The following CNTN6 variants were observed in gnomAD, a reference collection of about 807,000 sequenced individuals.
CNTN6 encodes contactin-6.
CNTN6 carries 137 observed loss-of-function variants against 122.8 expected under a neutral mutation model. That is an observed-to-expected ratio of 1.12 (90% CI 0.97 to 1.29). CNTN6 has a LOEUF of 1.29. Among genes scored for constraint, CNTN6 ranks in the 50% most tolerant of loss-of-function variants. The pLI, the probability that CNTN6 is intolerant of heterozygous loss-of-function variation, is 0.00. For missense variants in CNTN6, 1,634 were observed against 1,223.4 expected, an observed-to-expected ratio of 1.34 and a Z score of -5.01; for synonymous variants, 570 against 426.0, an observed-to-expected ratio of 1.34 and a Z score of -4.16.
chr3:1,393,650 T>TAAAAA (rs577181483), intron 20 of CNTN6, among the ~76,000 whole-genome samples: 7 of 142,800 alleles, frequency 4.9e-5, no homozygotes, highest in Non-Finnish European at 9.3e-5. Flanking sequence ...AAACAAACAT[T>TAAAAA]AAAAAAAAAA....
rs535460494 is a variant in CNTN6 at position 1,332,143 on chromosome 3, G to C, written c.1364+2208G>C. Among the ~76,000 whole-genome samples the C allele has an allele frequency of 9.9e-5, 15 of 151,984 alleles. No homozygotes were observed. The Middle Eastern group carries it at 0.01, about 103-fold the overall frequency. ...CAAACAAGCAAATTATCTCCTTACT[G>C]TGCATTCTTAAAAGTTGAAAATAAT... On this transcript the variant is annotated intron_variant, in intron 11 of 22. Coordinates refer to ENST00000446702, the MANE Select transcript of CNTN6 (RefSeq NM_001289080.2).
intron 20 of CNTN6, among the ~76,000 whole-genome samples, chr3:1,388,844 A>G (rs1342411544): frequency 4.1e-5 from 6 of 145,546 alleles, no homozygotes; most frequent in South Asian, 2.2e-4. Context: ...GAAATGAAGC[A>G]AGAAGGGAAG....
chr3:1,136,151 G>C (rs1320612140), intron 1 of CNTN6, among the ~76,000 whole-genome samples: 2 of 152,144 alleles, frequency 1.3e-5, no homozygotes, highest in South Asian at 2.1e-4. Flanking sequence ...AATTTAGAGA[G>C]CTCTATTACA....
intron 7 of CNTN6, among the ~76,000 whole-genome samples, chr3:1,316,289 AG>A (rs991947057): frequency 5.9e-5 from 9 of 151,960 alleles, no homozygotes; most frequent in Non-Finnish European, 1.3e-4. Context: ...ACAGTTCTGC[AG>A]GCTGTACAGG....
chr3:1,281,602 C>CATTTG (rs1248103851), intron 5 of CNTN6, among the ~76,000 whole-genome samples: 2 of 151,918 alleles, frequency 1.3e-5, no homozygotes, highest in Non-Finnish European at 2.9e-5. Context: ...GTAGCTGGAA[C>CATTTG]CACAGGCACG....
In CNTN6 at chr3:1,156,691, C is replaced by T. The variant is rs74467027; in HGVS notation, c.55+8628C>T. Among the ~76,000 whole-genome samples the T allele has an allele frequency of 3.4e-3, 193 of 56,618 alleles. 1 individual carries two copies. The highest frequency in any genetic ancestry group is 0.014 in the African/African-American group (141 of 9,936). The allele number at this position is 56,618 out of a possible 152,430, so 37.1% of individuals were successfully genotyped here. On this transcript the variant is annotated intron_variant, in intron 2 of 22. Transcript: ENST00000446702. ...CCTTCCTTCCTTCCTTTCCCTCCCT[C>T]CCTTCCTTCCTTCCTTCCTTCTTCT...
chr3:1,356,503 A>G (rs1706582631), intron 12 of CNTN6, among the ~76,000 whole-genome samples: 1 of 151,842 alleles, frequency 6.6e-6, no homozygotes, highest in Admixed American at 6.6e-5. Context: ...CAAGATATGT[A>G]GATAATTGGA....
intron 2 of CNTN6, among the ~76,000 whole-genome samples, chr3:1,203,887 G>A (rs1296293328): frequency 1.3e-5 from 2 of 152,076 alleles, no homozygotes; most frequent in Non-Finnish European, 1.5e-5. Context: ...GATATGTTTC[G>A]ATACACAAAT....
chr3:1,236,125 C>G (rs1220866469), intron 4 of CNTN6, among the ~76,000 whole-genome samples: 2 of 151,874 alleles, frequency 1.3e-5, no homozygotes, highest in African/African-American at 4.9e-5. Flanking sequence ...TGGTCTTTCT[C>G]TATGTGTCCT....
intron 7 of CNTN6, among the ~76,000 whole-genome samples, chr3:1,313,154 G>A (rs1699630957): frequency 6.6e-6 from 1 of 151,916 alleles, no homozygotes; most frequent in Non-Finnish European, 1.5e-5. Context: ...TCTCCTAAGA[G>A]CAGCAGAGGT....
intron 5 of CNTN6, among the ~76,000 whole-genome samples, chr3:1,287,505 C>T (rs1694550434): frequency 6.6e-6 from 1 of 152,130 alleles, no homozygotes; most frequent in African/African-American, 2.4e-5. Flanking sequence ...ATATTTGTAT[C>T]CTATGACTTG....
intron 1 of CNTN6, among the ~76,000 whole-genome samples, chr3:1,111,044 T>C (rs544467864): frequency 1.2e-4 from 19 of 152,294 alleles, no homozygotes; most frequent in African/African-American, 4.3e-4. Flanking sequence ...GAAATAATAG[T>C]TGTCCCACCT....
At chr3:1,387,594 C>G (rs1203457556) in intron 20 of CNTN6, among the ~76,000 whole-genome samples, 1 of 152,152 alleles carries the variant, frequency 6.6e-6, no homozygotes, top group African/African-American at 2.4e-5. Context: ...ATAGGAACAG[C>G]TCCGGTCTAC....
chr3:1,215,227 G>C (rs989185504), intron 2 of CNTN6, among the ~76,000 whole-genome samples: 1 of 152,144 alleles, frequency 6.6e-6, no homozygotes, highest in Non-Finnish European at 1.5e-5. Context: ...TTTTCTTAAT[G>C]GTATTTACTG....
rs184219098 is a variant in CNTN6, at chr3:1,401,561, T to C, written c.2817+16T>C. ...GGGGTACAAGGTGAGTTTTTAGTTT[T>C]TCCTTTAATCATATCAATTAAGTTA... On this transcript the variant is annotated intron_variant, in intron 21 of 22. Coordinates refer to ENST00000446702, the MANE Select transcript of CNTN6 (RefSeq NM_001289080.2). 3 of 1,560,480 alleles carry C rather than the reference T, an allele frequency of 1.9e-6. No individual in the cohort carries two copies. The East Asian group carries it at 6.8e-5, about 36-fold the overall frequency.
At chr3:1,312,373 C>T (rs896088661) in intron 7 of CNTN6, among the ~76,000 whole-genome samples, 9 of 151,918 alleles carry the variant, frequency 5.9e-5, no homozygotes, top group African/African-American at 2.2e-4. Context: ...TCCTTTCCAT[C>T]CCAGTCTATC....
At chr3:1,151,835 T>C (rs1249177673) in intron 2 of CNTN6, among the ~76,000 whole-genome samples, 1 of 152,134 alleles carries the variant, frequency 6.6e-6, no homozygotes, top group Non-Finnish European at 1.5e-5. Context: ...GGATAAATGC[T>C]TATTCACTAA....
intron 7 of CNTN6, among the ~76,000 whole-genome samples, chr3:1,307,777 CT>C (rs2125914305): frequency 6.6e-6 from 1 of 152,156 alleles, no homozygotes; most frequent in South Asian, 2.1e-4. Flanking sequence ...TAGAATGTGT[CT>C]GTATTTGTCA....
chr3:1,210,386 A>G (rs890504347), intron 2 of CNTN6, among the ~76,000 whole-genome samples: 1 of 151,812 alleles, frequency 6.6e-6, no homozygotes, highest in African/African-American at 2.4e-5. Flanking sequence ...GAAAGAAGGG[A>G]AGTGAAGGGA....
Sources: gnomAD v4.1 joint callset for allele counts (sites outside exome capture counted in the v4.1 genomes callset) on GRCh38, gnomAD v4.1.1 for gene constraint, MANE v1.5 for transcripts, NCBI Gene and HGNC (gene_info 2026-07-23, HGNC 2026-07-21) for gene names.